Variants in GALNT2 observed in about 807,000 individuals in gnomAD.
GALNT2 encodes polypeptide N-acetylgalactosaminyltransferase 2, also known as UDP-GalNAc:polypeptide N-acetylgalactosaminyltransferase 2.
In GALNT2, 31 loss-of-function variants were observed where a neutral mutation model predicts 81.4. That is an observed-to-expected ratio of 0.38 (90% CI 0.29 to 0.51). The LOEUF is 0.51. GALNT2 is among the 20% of genes least tolerant of loss of function. GALNT2 has a pLI of 0.87. For missense variants in GALNT2, 629 were observed against 765.7 expected, an observed-to-expected ratio of 0.82 and a Z score of 2.11; for synonymous variants, 303 against 287.4, an observed-to-expected ratio of 1.05 and a Z score of -0.55.
intron 1 of GALNT2, among the ~76,000 whole-genome samples, chr1:230,153,857 GGAACTGA>G (rs1662166043): frequency 1.3e-5 from 2 of 152,220 alleles, no homozygotes; most frequent in African/African-American, 4.8e-5. Context: ...GGGGTCTGGT[GGAACTGA>G]TATGTTCATA....
At chr1:230,150,482 C>T (rs955299168) in intron 1 of GALNT2, among the ~76,000 whole-genome samples, 1 of 152,228 alleles carries the variant, frequency 6.6e-6, no homozygotes, top group Non-Finnish European at 1.5e-5. Context: ...CCTCTTTCTG[C>T]CCGCTTTGTT....
At chr1:230,274,775 C>T (rs778558688) in intron 15 of GALNT2, among the ~76,000 whole-genome samples, 7 of 152,182 alleles carry the variant, frequency 4.6e-5, no homozygotes, top group Non-Finnish European at 7.4e-5. Flanking sequence ...TTCTCATTCT[C>T]TTCCCTATGC....
intron 1 of GALNT2, among the ~76,000 whole-genome samples, chr1:230,164,776 TGC>T (rs1662549789): frequency 6.6e-6 from 1 of 152,130 alleles, no homozygotes; most frequent in Admixed American, 6.5e-5. Flanking sequence ...GTGATCCACC[TGC>T]CTAGGCCTAC....
chr1:230,218,275 C>T (rs1369016079), intron 3 of GALNT2, among the ~76,000 whole-genome samples: 1 of 152,140 alleles, frequency 6.6e-6, no homozygotes, highest in Non-Finnish European at 1.5e-5. Context: ...GTTTCTTAAC[C>T]AAGCAACTTG....
chr1:230,100,614 C>CT (rs1252337901), intron 1 of GALNT2, among the ~76,000 whole-genome samples: 1 of 152,234 alleles, frequency 6.6e-6, no homozygotes, highest in African/African-American at 2.4e-5. Flanking sequence ...GCGTGAGCCA[C>CT]AGCACCCGGC....
chr1:230,219,380 A>G (rs1390727321), intron 3 of GALNT2, among the ~76,000 whole-genome samples: 3 of 151,926 alleles, frequency 2.0e-5, no homozygotes, highest in Non-Finnish European at 4.4e-5. Context: ...TGCTTGGCCA[A>G]CGTGTACTGG....
intron 2 of GALNT2, among the ~76,000 whole-genome samples, chr1:230,181,088 CT>C (rs57045807): frequency 0.084 from 12,588 of 149,950 alleles, 776 homozygotes; most frequent in East Asian, 0.26. Context: ...AATCTTTATA[CT>C]TTTTTTTTTG....
chr1:230,060,321 T>C (rs2102732214), intron 1 of GALNT2, among the ~76,000 whole-genome samples: 1 of 152,334 alleles, frequency 6.6e-6, no homozygotes, highest in African/African-American at 2.4e-5. Flanking sequence ...TTTGTCATTA[T>C]TTTCAATTTC....
chr1:230,108,146 C>T (rs908349379), intron 1 of GALNT2, among the ~76,000 whole-genome samples: 2 of 152,178 alleles, frequency 1.3e-5, no homozygotes, highest in African/African-American at 4.8e-5. Context: ...CCCTGAGCCA[C>T]GTGGAACTGG....
At chr1:230,096,336 T>G (rs891065362) in intron 1 of GALNT2, among the ~76,000 whole-genome samples, 8 of 152,250 alleles carry the variant, frequency 5.3e-5, no homozygotes, top group African/African-American at 1.9e-4. Context: ...CTTAGTCATT[T>G]GCTTACGTGA....
intron 1 of GALNT2, among the ~76,000 whole-genome samples, chr1:230,124,793 C>T (rs1219091301): frequency 1.3e-5 from 2 of 152,288 alleles, no homozygotes; most frequent in Non-Finnish European, 2.9e-5. Context: ...ATGGTCCCAC[C>T]TGCATTACCC....
intron 3 of GALNT2, among the ~76,000 whole-genome samples, chr1:230,220,775 A>G (rs1271892715): frequency 2.6e-5 from 4 of 152,148 alleles, no homozygotes; most frequent in Non-Finnish European, 5.9e-5. Context: ...TAAGGAAATC[A>G]TGGTATGATG....
At chr1:230,067,209 C>G (rs1487257189), upstream of GALNT2, 3 of 1,001,568 alleles carry the variant, frequency 3.0e-6, no homozygotes, top group Non-Finnish European at 3.8e-6. Flanking sequence ...CCCCCGGCCC[C>G]CACCGCGCCC....
chr1:230,137,243 C>G (rs1661578304), intron 1 of GALNT2, among the ~76,000 whole-genome samples: 1 of 152,226 alleles, frequency 6.6e-6, no homozygotes, highest in Non-Finnish European at 1.5e-5. Flanking sequence ...ATCTGTCCCG[C>G]TGCTCTGGGG....
chr1:230,276,027 ATATATATACG>A lies in GALNT2; in HGVS notation c.1560+1470_1560+1479del, dbSNP rs1369634889. Among the ~76,000 whole-genome samples, 13 of 62,576 alleles carry A rather than the reference ATATATATACG, an allele frequency of 2.1e-4. 1 individual carries two copies. Among genetic ancestry groups the A allele is most frequent in the African/African-American group, 9.1e-4 (8 of 8,774 alleles). The allele number at this position is 62,576 out of a possible 152,430, so 41.1% of individuals were successfully genotyped here. Reference sequence around the variant, plus strand: ...ATATATACGTATATATACATGCCACATATATATACGTATATACATGCCACATATATATACG... The same window carrying A: ...ATATATACGTATATATACATGCCACATATATACATGCCACATATATATACG... On this transcript the variant is annotated intron_variant, in intron 15 of 15. Transcript: ENST00000366672.
At chr1:230,076,865 C>T (rs890036172) in intron 1 of GALNT2, among the ~76,000 whole-genome samples, 29 of 152,168 alleles carry the variant, frequency 1.9e-4, no homozygotes, top group Admixed American at 1.8e-3. Flanking sequence ...GAGAGGCCTT[C>T]ACATTCAAGA....
chr1:230,092,347 G>T, intron 1 of GALNT2, among the ~76,000 whole-genome samples: 1 of 150,766 alleles, frequency 6.6e-6, no homozygotes, highest in Non-Finnish European at 1.5e-5. Flanking sequence ...GGCTCTTTTG[G>T]CTTTATAGTA....
At chr1:230,126,321 G>A (rs1661174611) in intron 1 of GALNT2, among the ~76,000 whole-genome samples, 1 of 152,204 alleles carries the variant, frequency 6.6e-6, no homozygotes, top group Admixed American at 6.5e-5. Context: ...TGTGGAAAGG[G>A]CCTGGTGATG....
At chr1:230,278,557 G>C (rs746167405) in intron 15 of GALNT2, among the ~76,000 whole-genome samples, 3 of 152,152 alleles carry the variant, frequency 2.0e-5, no homozygotes, top group Non-Finnish European at 4.4e-5. Context: ...CGCTTGATTT[G>C]AGTGTTAGTA....
Sources: gnomAD v4.1 joint callset for allele counts (sites outside exome capture counted in the v4.1 genomes callset) on GRCh38, gnomAD v4.1.1 for gene constraint, MANE v1.5 for transcripts, NCBI Gene and HGNC (gene_info 2026-07-23, HGNC 2026-07-21) for gene names.